HYDIN: variants seen among roughly 807,000 people sequenced by gnomAD.
HYDIN encodes axonemal central pair apparatus protein HYDIN.
HYDIN carries 132 observed loss-of-function variants against 403.9 expected under a neutral mutation model. The observed-to-expected ratio is 0.33, with a 90% CI of 0.28 to 0.38. The LOEUF is 0.38. HYDIN is among the 10% of genes least tolerant of loss of function. HYDIN has a pLI of 1.00. For synonymous variants in HYDIN, 1,202 were observed against 1,891.7 expected (o/e 0.64, Z 9.46); for missense variants, 2,827 against 5,009.5 (o/e 0.56, Z 13.15).
At chr16:71,193,068 C>A (rs1371319423) in intron 1 of HYDIN, among the ~76,000 whole-genome samples, 2 of 152,190 alleles carry the variant, frequency 1.3e-5, no homozygotes, top group East Asian at 3.8e-4. Context: ...TTTGCATATG[C>A]CCCTCTAATT....
intron 10 of HYDIN, among the ~76,000 whole-genome samples, chr16:71,097,690 C>T (rs1457685011): frequency 6.9e-6 from 1 of 145,736 alleles, no homozygotes; most frequent in East Asian, 2.1e-4. Context: ...GGGATATCAC[C>T]ACTTTGAAAA....
intron 2 of HYDIN, among the ~76,000 whole-genome samples, chr16:71,186,001 A>C (rs957762766): frequency 3.3e-5 from 5 of 152,194 alleles, no homozygotes; most frequent in Non-Finnish European, 5.9e-5. Flanking sequence ...AACCCAGATA[A>C]GGACAATAAA....
At position 70,818,525 on chromosome 16, in the gene HYDIN, C is replaced by T. The variant is rs1322086915; in HGVS notation, c.14475G>A (p.Val4825=). Residue 4825 remains valine (V), a synonymous_variant, in exon 84 of 86, where the codon GTG becomes GTA. Transcript: ENST00000393567. ...EVTNEFLYYN[V]SFRVIPSGII... is the part of the protein sequence containing the mutation. Reference sequence around the variant, plus strand: ...TGCCTGAAGGGATGACCCTGAAACTCACATTGTAGTACAAGAACTCATTTG... The same window carrying T: ...TGCCTGAAGGGATGACCCTGAAACTTACATTGTAGTACAAGAACTCATTTG... 7.4e-7 allele frequency: 1 copy of T among 1,350,688 alleles called. No individual in the cohort carries two copies. Among genetic ancestry groups the T allele is most frequent in the Admixed American group, 1.9e-5 (1 of 51,928 alleles). The allele number at this position is 1,350,688 out of a possible 1,614,324, so 83.7% of individuals were successfully genotyped here.
chr16:71,038,998 C>G (rs561735819), intron 18 of HYDIN, among the ~76,000 whole-genome samples: 1 of 152,180 alleles, frequency 6.6e-6, no homozygotes, highest in Non-Finnish European at 1.5e-5. Flanking sequence ...TTCCCCGAAG[C>G]GAGTCACTTT....
intron 5 of HYDIN, among the ~76,000 whole-genome samples, chr16:71,165,040 G>T (rs1260699056): frequency 6.6e-6 from 1 of 151,836 alleles, no homozygotes; most frequent in Non-Finnish European, 1.5e-5. Flanking sequence ...TAGCCACTCC[G>T]ATCTTTCCCA....
chr16:70,962,956 C>T (rs540499978), intron 37 of HYDIN, among the ~76,000 whole-genome samples: 5 of 151,656 alleles, frequency 3.3e-5, no homozygotes, highest in African/African-American at 1.2e-4. Context: ...TGGGTTCCCT[C>T]TGCACCCACT....
At chr16:70,919,554 C>G (rs890191535) in intron 46 of HYDIN, among the ~76,000 whole-genome samples, 30 of 152,060 alleles carry the variant, frequency 2.0e-4, no homozygotes, top group Non-Finnish European at 3.2e-4. Flanking sequence ...CATATCCCTC[C>G]CAGGCTCTAG....
At chr16:70,981,656 T>C (rs2144019730) in intron 28 of HYDIN, 88 bp from the exon 29 acceptor site, 1 of 1,435,252 alleles carries the variant, frequency 7.0e-7, no homozygotes, top group South Asian at 1.8e-5. Flanking sequence ...ACAACAACAA[T>C]GACAAAGTAA....
chr16:70,905,230 A>C (rs898384360), intron 50 of HYDIN, among the ~76,000 whole-genome samples: 5 of 151,768 alleles, frequency 3.3e-5, no homozygotes, highest in Admixed American at 3.3e-4. Context: ...CTTAACCGCT[A>C]ATCACTTCCA....
chr16:70,920,420 G>C (rs987394807), intron 46 of HYDIN, among the ~76,000 whole-genome samples, 171 bp downstream of exon 46: 1 of 151,374 alleles, frequency 6.6e-6, no homozygotes, highest in African/African-American at 2.4e-5. Flanking sequence ...ATTTTCTCTT[G>C]CCAAGTAGAA....
At chr16:70,964,264 C>T (rs2078505355) in intron 37 of HYDIN, among the ~76,000 whole-genome samples, 1 of 149,530 alleles carries the variant, frequency 6.7e-6, no homozygotes, top group African/African-American at 2.4e-5. Context: ...TTTTAGGGCA[C>T]CAGTTTCTAC....
chr16:70,943,024 C>T (rs1245431362), intron 42 of HYDIN, among the ~76,000 whole-genome samples: 3 of 152,060 alleles, frequency 2.0e-5, no homozygotes, highest in Admixed American at 6.6e-5. Context: ...CTTCTGGGAA[C>T]GTCAAGTTAA....
chr16:71,071,395 C>T (rs1156501454), intron 13 of HYDIN, among the ~76,000 whole-genome samples: 1 of 146,502 alleles, frequency 6.8e-6, no homozygotes, highest in East Asian at 2.0e-4. Context: ...CTAGTTGCAA[C>T]CAATCCTAAT....
chr16:70,872,270 A>G, intron 64 of HYDIN, 91 bp from the exon 65 acceptor site: 3 of 557,316 alleles, frequency 5.4e-6, no homozygotes, highest in Non-Finnish European at 9.4e-6. Flanking sequence ...ACTCACATGC[A>G]GTCCTTCCAT....
At chr16:71,094,124 C>A (rs1430102749) in intron 10 of HYDIN, among the ~76,000 whole-genome samples, 189 bp from the exon 11 acceptor site, 1 of 152,022 alleles carries the variant, frequency 6.6e-6, no homozygotes, top group Non-Finnish European at 1.5e-5. Flanking sequence ...ATCCTGAATG[C>A]CAAAATCCTG....
chr16:70,916,419 C>G (rs138672498), intron 47 of HYDIN, among the ~76,000 whole-genome samples: 1 of 151,936 alleles, frequency 6.6e-6, no homozygotes, highest in African/African-American at 2.4e-5. Flanking sequence ...TTCAGTTTCC[C>G]CAGTTGGGGT....
intron 43 of HYDIN, among the ~76,000 whole-genome samples, chr16:70,940,918 C>A (rs1454326361): frequency 1.3e-5 from 2 of 152,226 alleles, no homozygotes; most frequent in Non-Finnish European, 2.9e-5. Flanking sequence ...GACAGCGCCA[C>A]CAGCCTCTGT....
At chr16:70,950,876 C>T (rs1341179738) in intron 41 of HYDIN, among the ~76,000 whole-genome samples, 2 of 152,156 alleles carry the variant, frequency 1.3e-5, no homozygotes, top group East Asian at 1.9e-4. Context: ...AGCACACCCC[C>T]TCTCCTCAAT....
At chr16:70,820,170 ATTT>A (rs145606548) in intron 83 of HYDIN, among the ~76,000 whole-genome samples, 1 of 98,536 alleles carries the variant, frequency 1.0e-5, no homozygotes, top group Admixed American at 9.9e-5. Flanking sequence ...ATTTAAAGTG[ATTT>A]TTTTTTCTTT....
Sources: gnomAD v4.1 joint callset for allele counts (sites outside exome capture counted in the v4.1 genomes callset) on GRCh38, gnomAD v4.1.1 for gene constraint, MANE v1.5 for transcripts, NCBI Gene and HGNC (gene_info 2026-07-23, HGNC 2026-07-21) for gene names.